The following MYO1B variants were observed in gnomAD, a reference collection of about 807,000 sequenced individuals.
MYO1B encodes the protein myosin IB.
In MYO1B, 72 loss-of-function variants were observed where a neutral mutation model predicts 159.7. That is an observed-to-expected ratio of 0.45 (90% CI 0.37 to 0.55). The LOEUF is 0.55. Among genes scored for constraint, MYO1B ranks in the 20% least tolerant of loss-of-function variants. MYO1B has a pLI of 0.00. For synonymous variants in MYO1B, 468 were observed against 473.8 expected (o/e 0.99, Z 0.16); for missense variants, 1,062 against 1,364.8 (o/e 0.78, Z 3.50).
intron 3 of MYO1B, among the ~76,000 whole-genome samples, chr2:191,304,684 T>C (rs1353477266): frequency 6.6e-6 from 1 of 152,186 alleles, no homozygotes; most frequent in African/African-American, 2.4e-5. Context: ...AAAACTCAAG[T>C]AGGAAGGTTG....
At chr2:191,272,122 G>A (rs1328103228) in intron 1 of MYO1B, among the ~76,000 whole-genome samples, 1 of 152,198 alleles carries the variant, frequency 6.6e-6, no homozygotes, top group East Asian at 1.9e-4. Flanking sequence ...TGAAATACAG[G>A]TAGTAATTTT....
intron 30 of MYO1B, among the ~76,000 whole-genome samples, chr2:191,420,013 C>T (rs184878087): frequency 1.5e-3 from 224 of 151,980 alleles, no homozygotes; most frequent in African/African-American, 5.1e-3. Context: ...CCAGCCTGGG[C>T]GACATGACGA....
intron 3 of MYO1B, among the ~76,000 whole-genome samples, chr2:191,304,463 G>C (rs1484406287): frequency 6.6e-6 from 1 of 152,068 alleles, no homozygotes; most frequent in East Asian, 1.9e-4. Flanking sequence ...CCAGCTACTC[G>C]GGGGGCTGAG....
At chr2:191,341,613 T>G in intron 5 of MYO1B, 48 bp downstream of exon 5, 1 of 1,466,114 alleles carries the variant, frequency 6.8e-7, no homozygotes, top group Non-Finnish European at 9.5e-7. Flanking sequence ...AACAGTAGAT[T>G]GAGTTATGTG....
At chr2:191,330,050 C>T (rs778645782) in intron 4 of MYO1B, 21 bp downstream of exon 4, 62 of 1,600,404 alleles carry the variant, frequency 3.9e-5, no homozygotes, top group Non-Finnish European at 5.2e-5. Context: ...TACCAAGCAA[C>T]TCTGCAGAAG....
intron 30 of MYO1B, among the ~76,000 whole-genome samples, chr2:191,416,711 G>A (rs1697592892): frequency 6.6e-6 from 1 of 152,038 alleles, no homozygotes; most frequent in Non-Finnish European, 1.5e-5. Flanking sequence ...CTACTCAAGA[G>A]GCTGAGGCAG....
At chr2:191,326,870 C>T (rs1691132381) in intron 3 of MYO1B, among the ~76,000 whole-genome samples, 1 of 150,324 alleles carries the variant, frequency 6.7e-6, no homozygotes, top group Non-Finnish European at 1.5e-5. Context: ...ATTTTGGAAC[C>T]AGTGGTAAAT....
chr2:191,256,198 T>C, intron 1 of MYO1B, among the ~76,000 whole-genome samples: 1 of 152,192 alleles, frequency 6.6e-6, no homozygotes, highest in East Asian at 1.9e-4. Flanking sequence ...GTGCAGTGGT[T>C]ATGGGCTGGG....
At chr2:191,325,893 C>A (rs930561812) in intron 3 of MYO1B, among the ~76,000 whole-genome samples, 1 of 152,034 alleles carries the variant, frequency 6.6e-6, no homozygotes, top group African/African-American at 2.4e-5. Flanking sequence ...GTGATAGATA[C>A]AGCTGTCTGG....
At chr2:191,412,942 T>C (rs1025873655) in intron 27 of MYO1B, among the ~76,000 whole-genome samples, 20 of 152,224 alleles carry the variant, frequency 1.3e-4, no homozygotes, top group African/African-American at 4.8e-4. Context: ...TCCTTTCATA[T>C]ACAGATGCTG....
At chr2:191,416,669 C>G (rs1697589439) in intron 30 of MYO1B, among the ~76,000 whole-genome samples, 1 of 152,038 alleles carries the variant, frequency 6.6e-6, no homozygotes, top group Non-Finnish European at 1.5e-5. Context: ...AAAAAATTAG[C>G]TGGGCGTGGT....
chr2:191,303,418 G>A (rs1359408533), intron 3 of MYO1B, among the ~76,000 whole-genome samples: 3 of 152,072 alleles, frequency 2.0e-5, no homozygotes, highest in Non-Finnish European at 4.4e-5. Context: ...GATCCAGTAC[G>A]TCTCCACAAA....
chr2:191,331,617 C>G (rs994364857), intron 4 of MYO1B, among the ~76,000 whole-genome samples: 1 of 152,070 alleles, frequency 6.6e-6, no homozygotes, highest in Non-Finnish European at 1.5e-5. Context: ...ATTCATTCAT[C>G]CAGAAAAAAA....
At chr2:191,337,898 T>G (rs1691962110) in intron 4 of MYO1B, among the ~76,000 whole-genome samples, 1 of 152,152 alleles carries the variant, frequency 6.6e-6, no homozygotes, top group African/African-American at 2.4e-5. Flanking sequence ...TTTGTATAAG[T>G]ATATAAATAT....
At chr2:191,419,650 T>C (rs749296483) in intron 30 of MYO1B, among the ~76,000 whole-genome samples, 25 of 152,288 alleles carry the variant, frequency 1.6e-4, no homozygotes, top group Non-Finnish European at 2.6e-4. Flanking sequence ...GACAGCCCCA[T>C]GTGTATTATT....
intron 4 of MYO1B, among the ~76,000 whole-genome samples, chr2:191,339,480 G>A (rs1449487023): frequency 6.6e-6 from 1 of 152,180 alleles, no homozygotes; most frequent in Non-Finnish European, 1.5e-5. Context: ...GTTGGTGGTT[G>A]TGTTATGTGG....
chr2:191,253,321 T>G (rs1823913), intron 1 of MYO1B, among the ~76,000 whole-genome samples: 8 of 152,124 alleles, frequency 5.3e-5, no homozygotes, highest in Non-Finnish European at 1.0e-4. Flanking sequence ...GTCACTTCAC[T>G]GTAGCTTTTT....
intron 30 of MYO1B, 44 bp from the exon 31 acceptor site, chr2:191,423,793 G>T (rs775087555): frequency 5.1e-6 from 8 of 1,577,830 alleles, no homozygotes; most frequent in Non-Finnish European, 6.9e-6. Context: ...GTAATCATGA[G>T]CTGTTTTGTG....
At chr2:191,290,024 A>G (rs1688604302) in intron 2 of MYO1B, among the ~76,000 whole-genome samples, 1 of 152,204 alleles carries the variant, frequency 6.6e-6, no homozygotes, top group Non-Finnish European at 1.5e-5. Flanking sequence ...CTTTTTGGTT[A>G]GATATCATTC....
Sources: allele counts gnomAD v4.1 joint callset (sites outside exome capture counted in the v4.1 genomes callset), GRCh38; gene constraint gnomAD v4.1.1; transcripts MANE v1.5; gene names NCBI Gene and HGNC (gene_info 2026-07-23, HGNC 2026-07-21).